The following CADPS2 variants were observed in gnomAD, a reference collection of about 807,000 sequenced individuals.
CADPS2 encodes calcium dependent secretion activator 2, also known as calcium-dependent secretion activator 2.
Under a neutral mutation model 172.5 loss-of-function variants are expected in CADPS2, and 93 were observed. The ratio of observed to expected loss-of-function variants is 0.54; its 90% CI spans 0.46 to 0.64. The LOEUF (loss-of-function observed/expected upper bound fraction) is 0.64. Among genes scored for constraint, CADPS2 ranks in the 30% least tolerant of loss-of-function variants. The probability of loss-of-function intolerance (pLI) is 0.00; values close to 1 mark genes in which losing one functional copy is unlikely to be tolerated. For missense variants in CADPS2, 1,420 were observed against 1,565.9 expected (o/e 0.91, Z 1.57); for synonymous variants, 546 against 555.2 (o/e 0.98, Z 0.23).
At chr7:122,843,426 G>T (rs1408876992) in intron 1 of CADPS2, among the ~76,000 whole-genome samples, 1 of 152,146 alleles carries the variant, frequency 6.6e-6, no homozygotes, top group Non-Finnish European at 1.5e-5. Context: ...GACCTATGGG[G>T]TGTCACTGTC....
chr7:122,703,283 G>A (rs1304546896), intron 2 of CADPS2, among the ~76,000 whole-genome samples: 2 of 152,026 alleles, frequency 1.3e-5, no homozygotes, highest in African/African-American at 4.8e-5. Context: ...CATGTACCTG[G>A]GCCAGTTGCC....
chr7:122,451,674 C>T (rs2053135895), intron 14 of CADPS2, among the ~76,000 whole-genome samples, 199 bp from the exon 15 acceptor site: 1 of 152,056 alleles, frequency 6.6e-6, no homozygotes, highest in Non-Finnish European at 1.5e-5. Flanking sequence ...GAATTATTCT[C>T]TTTTAGACAG....
At position 122,760,077 on chromosome 7, in the gene CADPS2, A is replaced by G. The variant is rs182714951; in HGVS notation, c.340-23009T>C. On this transcript the variant is annotated intron_variant, in intron 1 of 29. Coordinates refer to ENST00000449022, the MANE Select transcript of CADPS2 (RefSeq NM_017954.11). ...ATGAATAATTTTACACACAGTCTAT[A>G]CTAGAATCAATATGTTTATACATTT... 4.5e-4 allele frequency among the ~76,000 whole-genome samples: 69 copies of G among 152,084 alleles called. 2 individuals are homozygous for G. The East Asian group carries it at 8.5e-3, about 19-fold the overall frequency.
At chr7:122,422,991 T>C (rs2048713468) in intron 17 of CADPS2, among the ~76,000 whole-genome samples, 1 of 151,884 alleles carries the variant, frequency 6.6e-6, no homozygotes, top group African/African-American at 2.4e-5. Flanking sequence ...AATAAATAAA[T>C]AAACCATAAG....
chr7:122,698,617 C>T, intron 2 of CADPS2: 1 of 1,614,028 alleles, frequency 6.2e-7, no homozygotes, highest in South Asian at 1.1e-5. Context: ...AAGTGCAAGC[C>T]AGGTCTCTGA....
intron 1 of CADPS2, among the ~76,000 whole-genome samples, chr7:122,835,940 T>TA (rs1808267212): frequency 6.6e-6 from 1 of 152,062 alleles, no homozygotes; most frequent in Admixed American, 6.6e-5. Flanking sequence ...GCCACAAAGA[T>TA]ACTCCTCGAG....
At chr7:122,834,867 T>C (rs1365108637) in intron 1 of CADPS2, among the ~76,000 whole-genome samples, 2 of 152,208 alleles carry the variant, frequency 1.3e-5, no homozygotes, top group Non-Finnish European at 2.9e-5. Context: ...GGGCAGGGCA[T>C]AGCTGAACAA....
intron 2 of CADPS2, among the ~76,000 whole-genome samples, chr7:122,673,345 G>A (rs1465766529): frequency 1.3e-5 from 2 of 152,182 alleles, no homozygotes; most frequent in Admixed American, 6.5e-5. Context: ...TGATTGGTCC[G>A]TTTTGACAGG....
intron 15 of CADPS2, among the ~76,000 whole-genome samples, chr7:122,444,078 C>T (rs2051775918): frequency 6.6e-6 from 1 of 152,078 alleles, no homozygotes; most frequent in Non-Finnish European, 1.5e-5. Context: ...ACAGTATTTA[C>T]TTTTGTGGGT....
chr7:122,416,230 AATG>A (rs2047897234), intron 17 of CADPS2, 66 bp from the exon 18 acceptor site: 1 of 798,610 alleles, frequency 1.3e-6, no homozygotes, highest in African/African-American at 1.7e-5. Flanking sequence ...TTGAAGACGT[AATG>A]ATGAGACTAG....
intron 9 of CADPS2, among the ~76,000 whole-genome samples, chr7:122,508,907 T>C (rs895551016): frequency 6.6e-6 from 1 of 152,134 alleles, no homozygotes; most frequent in Admixed American, 6.6e-5. Flanking sequence ...TTTTCTACCA[T>C]AAAAATTGCA....
intron 14 of CADPS2, 123 bp downstream of exon 14, chr7:122,471,252 T>TAC: frequency 1.5e-6 from 1 of 662,268 alleles, no homozygotes; most frequent in Non-Finnish European, 2.3e-6. Context: ...TTTTTTTTTT[T>TAC]TTCCTTGTAA....
Position 122,664,627 on chromosome 7 carries a change from TAAG to T in CADPS2, c.454-1061_454-1059del, listed in dbSNP as rs565347674. ...ACTTCTGTTATGCTGTCAATATTCC[TAAG>T]AATCCTCCATAAGCCATATAAGACT... On this transcript the variant is annotated intron_variant, in intron 2 of 29. Transcript: ENST00000449022. Among the ~76,000 whole-genome samples, 12 of 152,320 alleles carry T rather than the reference TAAG, an allele frequency of 7.9e-5. 1 individual carries two copies. The South Asian group carries it at 2.5e-3, about 32-fold the overall frequency.
chr7:122,745,456 G>T (rs534793156), intron 1 of CADPS2, among the ~76,000 whole-genome samples: 1 of 151,568 alleles, frequency 6.6e-6, no homozygotes, highest in Admixed American at 6.6e-5. Flanking sequence ...ATATTATTCC[G>T]TTTCCCTCAC....
intron 1 of CADPS2, among the ~76,000 whole-genome samples, chr7:122,740,605 C>T (rs2092414523): frequency 6.6e-6 from 1 of 151,826 alleles, no homozygotes; most frequent in South Asian, 2.1e-4. Flanking sequence ...CACTCAAGCT[C>T]AATTTTGTTG....
At chr7:122,876,297 G>T (rs1265899875) in intron 1 of CADPS2, among the ~76,000 whole-genome samples, 2 of 152,184 alleles carry the variant, frequency 1.3e-5, no homozygotes, top group Non-Finnish European at 2.9e-5. Context: ...TGCAGCCTGG[G>T]CCACAGAGCA....
chr7:122,849,814 C>T, intron 1 of CADPS2: 2 of 541,026 alleles, frequency 3.7e-6, no homozygotes, highest in East Asian at 4.8e-5. Context: ...CATCCCTCAG[C>T]ACCATCAACT....
At position 122,325,508 on chromosome 7, in the gene CADPS2, T is replaced by C. The variant is rs753408002; in HGVS notation, c.3686A>G (p.Tyr1229Cys). The C allele has an allele frequency of 2.5e-6, 4 of 1,610,638 alleles. No individual in the cohort carries two copies. The highest frequency in any genetic ancestry group is 1.3e-5 in the African/African-American group (1 of 74,816). ...AATCTTGATGAGCGTCTTCAGCTGGTAAATATGGAGTTGGAGGTCTAATCT... is the reference window on the plus strand; with the variant it reads ...AATCTTGATGAGCGTCTTCAGCTGGCAAATATGGAGTTGGAGGTCTAATCT... The part of the protein sequence containing the change: ...TDRLDLQLHI[Y>C]QLKTLIKIVK... The change falls in exon 29 of 30, where the codon TAC (tyrosine) becomes TGC (cysteine). Residue 1229 changes from tyrosine to cysteine, a missense_variant. Tyr to Cys is a radical substitution (Grantham distance 194, BLOSUM62 -2). Coordinates refer to ENST00000449022, the MANE Select transcript of CADPS2 (RefSeq NM_017954.11).
At chr7:122,785,064 A>G (rs1161332767) in intron 1 of CADPS2, among the ~76,000 whole-genome samples, 1 of 152,164 alleles carries the variant, frequency 6.6e-6, no homozygotes, top group African/African-American at 2.4e-5. Context: ...TGTGTTTTAC[A>G]TTTGATCAAC....
Sources: gnomAD v4.1 joint callset for allele counts (sites outside exome capture counted in the v4.1 genomes callset) on GRCh38, gnomAD v4.1.1 for gene constraint, MANE v1.5 for transcripts, NCBI Gene and HGNC (gene_info 2026-07-23, HGNC 2026-07-21) for gene names.